The following THOP1 variants were observed in gnomAD, a reference collection of about 807,000 sequenced individuals.
THOP1 encodes thimet oligopeptidase 1, also known as thimet oligopeptidase.
Under a neutral mutation model 71.8 loss-of-function variants are expected in THOP1, and 49 were observed. The ratio of observed to expected loss-of-function variants is 0.68; its 90% CI spans 0.54 to 0.87. The LOEUF (loss-of-function observed/expected upper bound fraction) is 0.87, where lower values mean the gene tolerates loss of function less well. THOP1 is among the 40% of genes least tolerant of loss of function. The probability of loss-of-function intolerance (pLI) is 0.00; values close to 1 mark genes in which losing one functional copy is unlikely to be tolerated. For missense variants in THOP1, 843 were observed against 975.6 expected, an observed-to-expected ratio of 0.86 and a Z score of 1.81; for synonymous variants, 426 against 421.5, an observed-to-expected ratio of 1.01 and a Z score of -0.13.
chr19:2,790,977 C>T (rs114587950), intron 2 of THOP1, among the ~76,000 whole-genome samples: 434 of 152,376 alleles, frequency 2.8e-3, no homozygotes, highest in African/African-American at 0.01. Flanking sequence ...CAGCACGCCT[C>T]TCCAGCCTCT....
At chr19:2,803,119 C>G (rs1916197402) in intron 5 of THOP1, among the ~76,000 whole-genome samples, 1 of 152,216 alleles carries the variant, frequency 6.6e-6, no homozygotes, top group Non-Finnish European at 1.5e-5. Flanking sequence ...CTCTCCCTGC[C>G]CCAGCCCTCA....
intron 4 of THOP1, 88 bp downstream of exon 4, chr19:2,796,276 T>C: frequency 9.4e-7 from 1 of 1,067,330 alleles, no homozygotes. Context: ...TCCCAGGGAG[T>C]GGTGGGAGCA....
chr19:2,785,970 C>G (rs1203088501), intron 1 of THOP1, among the ~76,000 whole-genome samples: 2 of 152,202 alleles, frequency 1.3e-5, no homozygotes, highest in African/African-American at 4.8e-5. Context: ...TCCCGTTTTC[C>G]TGGAATTCTA....
intron 3 of THOP1, among the ~76,000 whole-genome samples, chr19:2,795,617 C>T (rs1915994724): frequency 2.0e-5 from 3 of 152,218 alleles, no homozygotes; most frequent in Admixed American, 6.5e-5. Context: ...GGTCTCACAA[C>T]GTTGCCCACG....
In THOP1 at chr19:2,804,876, G is replaced by A. The variant is rs1307492480; in HGVS notation, c.590-140G>A. 5 of 783,176 alleles carry A rather than the reference G, an allele frequency of 6.4e-6. No homozygotes were observed. The highest frequency in any genetic ancestry group is 1.8e-5 in the African/African-American group (1 of 56,178). The allele number at this position is 783,176 out of a possible 1,614,324, so 48.5% of individuals were successfully genotyped here. On this transcript the variant is annotated intron_variant, in intron 5 of 12. Transcript: ENST00000307741. The surrounding 1 kb of genome is among the most constrained non-coding windows in gnomAD (Gnocchi z 4.7). ...GGGGATGTAAGAATTGCAGCGGGTG[G>A]TGGCCAGGCTGCAGCTGCTCGCTGA... is the stretch of plus-strand genomic sequence containing the variant.
At chr19:2,811,422 C>T (rs552093066) in intron 11 of THOP1, among the ~76,000 whole-genome samples, 176 bp from the exon 12 acceptor site, 15 of 152,288 alleles carry the variant, frequency 9.8e-5, no homozygotes, top group East Asian at 1.9e-4. Context: ...TTGTGGCCCT[C>T]GCTTTGTGGC....
intron 4 of THOP1, among the ~76,000 whole-genome samples, chr19:2,799,375 T>C (rs1916090041): frequency 6.6e-6 from 1 of 152,140 alleles, no homozygotes; most frequent in Non-Finnish European, 1.5e-5. Flanking sequence ...GATTCCTTAA[T>C]GGATAGGAGG....
chr19:2,802,595 C>T (rs191322950), intron 5 of THOP1, among the ~76,000 whole-genome samples: 1 of 152,116 alleles, frequency 6.6e-6, no homozygotes, highest in Non-Finnish European at 1.5e-5. Context: ...CGCCACCTCC[C>T]GATACCCGCA....
chr19:2,809,929 C>T, intron 9 of THOP1: 1 of 271,192 alleles, frequency 3.7e-6, no homozygotes. Context: ...AGGTTCCACA[C>T]ACACACGAGC....
At chr19:2,806,249 C>T (rs1043186077) in intron 6 of THOP1, 1 of 152,442 alleles carries the variant, frequency 6.6e-6, no homozygotes, top group African/African-American at 2.4e-5. Flanking sequence ...GGCTTGGGTC[C>T]TAGTGGCAGA....
chr19:2,799,573 G>A (rs1420685748), intron 4 of THOP1, 116 bp from the exon 5 acceptor site: 4 of 804,588 alleles, frequency 5.0e-6, no homozygotes, highest in East Asian at 2.6e-5. Flanking sequence ...CTCTTCTTTC[G>A]GCCTGGTTCT....
intron 12 of THOP1, chr19:2,812,296 C>T: frequency 6.5e-7 from 1 of 1,535,600 alleles, no homozygotes; most frequent in Non-Finnish European, 8.7e-7. Flanking sequence ...GAGTCCCTCA[C>T]AAGGAACAGG....
intron 2 of THOP1, among the ~76,000 whole-genome samples, chr19:2,792,010 C>T (rs1915894870): frequency 6.6e-6 from 1 of 152,242 alleles, no homozygotes; most frequent in Non-Finnish European, 1.5e-5. Flanking sequence ...CCTGGCTTCT[C>T]TCTGATCACA....
intron 5 of THOP1, among the ~76,000 whole-genome samples, chr19:2,800,832 A>G (rs1916127366): frequency 6.6e-6 from 1 of 151,662 alleles, no homozygotes; most frequent in Admixed American, 6.6e-5. Flanking sequence ...TCCCGCAGCC[A>G]CCCACGCCAT....
chr19:2,786,580 G>C (rs556499530), intron 1 of THOP1, among the ~76,000 whole-genome samples: 3 of 152,048 alleles, frequency 2.0e-5, no homozygotes, highest in African/African-American at 7.2e-5. Flanking sequence ...TGTGACCTGT[G>C]TACTGTTTAT....
chr19:2,795,873 T>C, intron 3 of THOP1: 5 of 486,140 alleles, frequency 1.0e-5, no homozygotes, highest in Non-Finnish European at 1.5e-5. Context: ...TCTGGACTGA[T>C]GTCAGTGTGG....
Position 2,815,558 on chromosome 19 carries a change from C to T in THOP1, c.*2282C>T, listed in dbSNP as rs1222803817. 1.3e-5 allele frequency: 2 copies of T among 152,458 alleles called. No individual in the cohort carries two copies. Among genetic ancestry groups the T allele is most frequent in the African/African-American group, 2.4e-5 (1 of 41,476 alleles). The allele number at this position is 152,458 out of a possible 1,614,324, so 9.4% of individuals were successfully genotyped here. A position where few individuals can be genotyped will look rare whatever the true frequency, so the allele number is the denominator to read the frequency against. On this transcript the variant is annotated 3_prime_UTR_variant, in exon 13 of 13. Coordinates refer to ENST00000307741, the MANE Select transcript of THOP1 (RefSeq NM_003249.5). Reference sequence around the variant, plus strand: ...TCCTCAGAGCCTTCCCAAATGCCCACACCGGGGGCACCCGGGTTTCCCCAA... The same window carrying T: ...TCCTCAGAGCCTTCCCAAATGCCCATACCGGGGGCACCCGGGTTTCCCCAA...
chr19:2,794,677 C>G (rs931570900), intron 2 of THOP1, 87 bp from the exon 3 acceptor site: 1 of 1,488,184 alleles, frequency 6.7e-7, no homozygotes, highest in Non-Finnish European at 9.1e-7. Context: ...ATTCAGCAGA[C>G]AGGCCTGGGA....
Position 2,813,307 on chromosome 19 carries a change from T to C in THOP1, c.*31T>C, listed in dbSNP as rs759869898. 1 of 1,576,838 alleles carries C rather than the reference T, an allele frequency of 6.3e-7. No homozygotes were observed. Among genetic ancestry groups the C allele is most frequent in the Non-Finnish European group, 8.6e-7 (1 of 1,162,088 alleles). On this transcript the variant is annotated 3_prime_UTR_variant, in exon 13 of 13. Coordinates refer to ENST00000307741, the MANE Select transcript of THOP1 (RefSeq NM_003249.5). ...GGCACTGCGACTGCCCAGTCTGGCC[T>C]GCGCTCCCGCCGCCCTGGTGCCTTA...
Sources: allele counts gnomAD v4.1 joint callset (sites outside exome capture counted in the v4.1 genomes callset), GRCh38; gene constraint gnomAD v4.1.1; non-coding constraint Gnocchi (gnomAD v3.1); transcripts MANE v1.5; gene names NCBI Gene and HGNC (gene_info 2026-07-23, HGNC 2026-07-21).